CEP128: variants seen among roughly 807,000 people sequenced by gnomAD.
CEP128 encodes the protein centrosomal protein 128.
In CEP128, 132 loss-of-function variants were observed where a neutral mutation model predicts 156.7. The observed-to-expected ratio is 0.84, with a 90% CI of 0.73 to 0.97. The LOEUF is 0.97. CEP128 is among the 50% of genes least tolerant of loss of function. CEP128 has a pLI of 0.00. For synonymous variants in CEP128, 469 were observed against 448.9 expected, an observed-to-expected ratio of 1.04 and a Z score of -0.57; for missense variants, 1,252 against 1,281.9, an observed-to-expected ratio of 0.98 and a Z score of 0.36.
At chr14:80,511,708 T>G (rs1457600582) in intron 23 of CEP128, among the ~76,000 whole-genome samples, 7 of 152,024 alleles carry the variant, frequency 4.6e-5, no homozygotes, top group African/African-American at 1.7e-4. Context: ...TTCTTCTGCT[T>G]TTTTGATGTA....
intron 23 of CEP128, among the ~76,000 whole-genome samples, chr14:80,524,455 AG>A (rs1368954965): frequency 6.6e-6 from 1 of 152,192 alleles, no homozygotes; most frequent in African/African-American, 2.4e-5. Flanking sequence ...GATGTATCAG[AG>A]CTGGCTCTTC....
intron 8 of CEP128, among the ~76,000 whole-genome samples, chr14:80,867,025 A>T (rs536708221): frequency 3.0e-4 from 46 of 152,306 alleles, no homozygotes; most frequent in African/African-American, 1.1e-3. Context: ...ATCTCAGTAT[A>T]TATTTTTTTT....
intron 2 of CEP128, among the ~76,000 whole-genome samples, chr14:80,918,939 A>G (rs1479494884): frequency 6.6e-6 from 1 of 152,176 alleles, no homozygotes; most frequent in Non-Finnish European, 1.5e-5. Context: ...CTTATATAAG[A>G]GAAAATAATA....
At chr14:80,847,122 G>A (rs1174662503) in intron 9 of CEP128, among the ~76,000 whole-genome samples, 1 of 151,922 alleles carries the variant, frequency 6.6e-6, no homozygotes. Flanking sequence ...GAAGCTTTGG[G>A]GGAAAAAATA....
At chr14:80,602,440 A>G (rs561908461) in intron 19 of CEP128, among the ~76,000 whole-genome samples, 1 of 152,324 alleles carries the variant, frequency 6.6e-6, no homozygotes, top group East Asian at 1.9e-4. Flanking sequence ...ACATTCTCCA[A>G]GACAAACCAT....
intron 16 of CEP128, among the ~76,000 whole-genome samples, chr14:80,776,494 T>C (rs930800915): frequency 1.4e-5 from 2 of 147,958 alleles, no homozygotes; most frequent in Non-Finnish European, 3.0e-5. Context: ...TTTAATTTTA[T>C]ATTTATATGT....
At chr14:80,530,916 A>T in intron 21 of CEP128, 30 bp from the exon 22 acceptor site, 1 of 1,422,302 alleles carries the variant, frequency 7.0e-7, no homozygotes. Context: ...GAAACCAAAC[A>T]TTATAAAAAA....
intron 18 of CEP128, among the ~76,000 whole-genome samples, chr14:80,745,342 C>A (rs972379912): frequency 1.3e-5 from 2 of 152,164 alleles, no homozygotes; most frequent in African/African-American, 4.8e-5. Flanking sequence ...GTCAATTAAA[C>A]CTCTTTTCTT....
intron 20 of CEP128, 124 bp downstream of exon 20, chr14:80,580,250 A>G (rs1891528200): frequency 3.4e-6 from 2 of 580,280 alleles, no homozygotes; most frequent in Non-Finnish European, 6.0e-6. Flanking sequence ...CCAACTTTAT[A>G]GTTCTGACAT....
chr14:80,696,741 T>C (rs1022705974), intron 19 of CEP128, among the ~76,000 whole-genome samples: 1 of 152,248 alleles, frequency 6.6e-6, no homozygotes, highest in South Asian at 2.1e-4. Context: ...CAGATTTCAG[T>C]AGGTTGAAGA....
intron 19 of CEP128, among the ~76,000 whole-genome samples, chr14:80,612,551 A>C (rs566393292): frequency 6.6e-6 from 1 of 152,354 alleles, no homozygotes; most frequent in East Asian, 1.9e-4. Context: ...AGAATAACAA[A>C]GGATAATCAC....
intron 19 of CEP128, among the ~76,000 whole-genome samples, chr14:80,620,910 A>G (rs895177848): frequency 6.6e-6 from 1 of 152,232 alleles, no homozygotes; most frequent in South Asian, 2.1e-4. Flanking sequence ...CGTAGAGATG[A>G]AAAGTGTGCA....
intron 2 of CEP128, among the ~76,000 whole-genome samples, chr14:80,950,353 G>A (rs1886436441): frequency 6.6e-6 from 1 of 152,118 alleles, no homozygotes; most frequent in Non-Finnish European, 1.5e-5. Flanking sequence ...CTTTGTTACA[G>A]CAGCCCTAGG....
intron 18 of CEP128, among the ~76,000 whole-genome samples, chr14:80,746,119 A>C (rs939461555): frequency 2.0e-5 from 3 of 152,176 alleles, no homozygotes; most frequent in Non-Finnish European, 4.4e-5. Flanking sequence ...TCCTACGTAA[A>C]TGGATTGAAA....
chr14:80,716,363 G>A (rs548453421), intron 19 of CEP128, among the ~76,000 whole-genome samples: 11 of 152,200 alleles, frequency 7.2e-5, no homozygotes, highest in Admixed American at 2.6e-4. Context: ...CACCCATCAC[G>A]TTGACTCTCG....
chr14:80,901,545 G>A (rs927850867), intron 6 of CEP128, among the ~76,000 whole-genome samples: 8 of 152,202 alleles, frequency 5.3e-5, no homozygotes, highest in Non-Finnish European at 1.2e-4. Flanking sequence ...GGGTAACCTT[G>A]AGAATGAACT....
chr14:80,725,467 G>A (rs1332581517), intron 19 of CEP128, among the ~76,000 whole-genome samples: 1 of 152,046 alleles, frequency 6.6e-6, no homozygotes, highest in Non-Finnish European at 1.5e-5. Context: ...ACAGAGGTGA[G>A]GCACTGCGCC....
At chr14:80,590,580 T>C (rs577808507) in intron 19 of CEP128, among the ~76,000 whole-genome samples, 76 of 152,042 alleles carry the variant, frequency 5.0e-4, no homozygotes, top group African/African-American at 1.6e-3. Context: ...TCATCAGACC[T>C]ATCCTGAAGA....
chr14:80,555,868 AT>A (rs1163033933), intron 21 of CEP128, among the ~76,000 whole-genome samples: 2 of 151,916 alleles, frequency 1.3e-5, no homozygotes, highest in African/African-American at 4.8e-5. Flanking sequence ...GCTTCTGAAA[AT>A]GCATTATCTT....
Sources: allele counts gnomAD v4.1 joint callset (sites outside exome capture counted in the v4.1 genomes callset), GRCh38; gene constraint gnomAD v4.1.1; transcripts MANE v1.5; gene names NCBI Gene and HGNC (gene_info 2026-07-23, HGNC 2026-07-21).